Variants in GDA observed in about 807,000 individuals in gnomAD.
The protein encoded by GDA is guanine deaminase, also known as cytoplasmic PSD-95 interactor.
In GDA, 18 loss-of-function variants were observed where a neutral mutation model predicts 59.6. The observed-to-expected ratio is 0.30, with a 90% CI of 0.21 to 0.45. GDA has a LOEUF of 0.45. GDA is among the 20% of genes least tolerant of loss of function. The probability of loss-of-function intolerance (pLI) is 1.00; values close to 1 mark genes in which losing one functional copy is unlikely to be tolerated. For synonymous variants in GDA, 201 were observed against 201.1 expected, an observed-to-expected ratio of 1.00 and a Z score of 0.00; for missense variants, 427 against 552.3, an observed-to-expected ratio of 0.77 and a Z score of 2.27.
At chr9:72,133,349 GTC>G (rs1485910828) in intron 1 of GDA, among the ~76,000 whole-genome samples, 1 of 148,114 alleles carries the variant, frequency 6.8e-6, no homozygotes, top group African/African-American at 2.5e-5. Flanking sequence ...TTAGGAAGCA[GTC>G]TCTGAGCTTT....
Position 72,249,940 on chromosome 9 carries a change from GATTT to G in GDA, c.*1599_*1602del, listed in dbSNP as rs1210924007. 1.4e-5 allele frequency: 13 copies of G among 947,594 alleles called. No homozygotes were observed. Among genetic ancestry groups the G allele is most frequent in the Non-Finnish European group, 5.0e-6 (4 of 795,800 alleles). 58.7% of individuals were successfully genotyped at this position (947,594 alleles called of 1,614,324 possible). ...TTTTTCCCTAATAGAAATACTTTTA[GATTT>G]GATTATGTATACATGACACCTAAAG... On this transcript the variant is annotated 3_prime_UTR_variant, in exon 14 of 14. Transcript: ENST00000358399.
chr9:72,181,033 A>G (rs1831140211), intron 1 of GDA, among the ~76,000 whole-genome samples: 1 of 152,196 alleles, frequency 6.6e-6, no homozygotes, highest in Admixed American at 6.5e-5. Context: ...TGCATTTCAC[A>G]TGAAATAGAT....
intron 10 of GDA, among the ~76,000 whole-genome samples, chr9:72,236,774 C>CTTTTTTTTTTTTTTTTTT (rs1564168629): frequency 7.8e-6 from 1 of 127,594 alleles, no homozygotes; most frequent in Non-Finnish European, 1.6e-5. Context: ...AAAACCACTC[C>CTTTTTTTTTTTTTTTTTT]TATTTTTTTT....
At chr9:72,208,108 C>A (rs1035363370) in intron 3 of GDA, among the ~76,000 whole-genome samples, 11 of 138,170 alleles carry the variant, frequency 8.0e-5, no homozygotes, top group Non-Finnish European at 1.6e-4. Context: ...AAAAACAAAA[C>A]CCAAAATAAC....
chr9:72,217,065 G>T (rs1186184199), intron 5 of GDA, among the ~76,000 whole-genome samples: 1 of 152,096 alleles, frequency 6.6e-6, no homozygotes, highest in African/African-American at 2.4e-5. Context: ...GTTGTAAAAC[G>T]CAATAAATCT....
At chr9:72,186,445 GTC>G (rs964527438) in intron 1 of GDA, among the ~76,000 whole-genome samples, 2 of 152,068 alleles carry the variant, frequency 1.3e-5, no homozygotes, top group African/African-American at 4.8e-5. Context: ...TTTTATGCAA[GTC>G]TCTGCTTAAA....
intron 10 of GDA, among the ~76,000 whole-genome samples, chr9:72,236,776 ATTTTTTTTTTT>A (rs201065067): frequency 9.9e-6 from 1 of 101,466 alleles, no homozygotes; most frequent in Non-Finnish European, 2.0e-5. Flanking sequence ...AACCACTCCT[ATTTTTTTTTTT>A]TTTTTTTTTT....
At chr9:72,178,792 A>T (rs1030417857) in intron 1 of GDA, among the ~76,000 whole-genome samples, 3 of 152,126 alleles carry the variant, frequency 2.0e-5, no homozygotes, top group African/African-American at 7.2e-5. Context: ...ATCAAGTCTC[A>T]TATGTCTTTA....
chr9:72,211,279 G>A (rs1443905510), intron 4 of GDA, among the ~76,000 whole-genome samples: 1 of 152,214 alleles, frequency 6.6e-6, no homozygotes, highest in Non-Finnish European at 1.5e-5. Context: ...CTATGGTGCT[G>A]TTACTAGACG....
At chr9:72,215,709 C>A (rs80226419) in intron 5 of GDA, among the ~76,000 whole-genome samples, 35 of 152,272 alleles carry the variant, frequency 2.3e-4, no homozygotes, top group African/African-American at 7.9e-4. Context: ...TGGGAGGGAC[C>A]AAGGCCCACT....
chr9:72,173,820 G>A (rs1830256138), intron 1 of GDA, among the ~76,000 whole-genome samples: 1 of 151,786 alleles, frequency 6.6e-6, no homozygotes, highest in South Asian at 2.1e-4. Context: ...CATTCTGTGA[G>A]TGTGTGTGTG....
chr9:72,164,271 T>C (rs1829018287), intron 1 of GDA, among the ~76,000 whole-genome samples: 1 of 152,076 alleles, frequency 6.6e-6, no homozygotes, highest in Non-Finnish European at 1.5e-5. Context: ...AATCCAAATA[T>C]CAGAGGAAGA....
Position 72,219,476 on chromosome 9 carries a change from C to A in GDA, c.579-3C>A. 1 of 1,589,626 alleles carries A rather than the reference C, an allele frequency of 6.3e-7. No individual in the cohort carries two copies. The highest frequency in any genetic ancestry group is 8.6e-7 in the Non-Finnish European group (1 of 1,164,550). ...TTCTAACCCATTTGTTGCTTTATTT[C>A]AGATTTGTGTCAGAAATGCTCCAAA... is the stretch of plus-strand genomic sequence containing the variant. On this transcript the variant is annotated splice_region_variant and splice_polypyrimidine_tract_variant and intron_variant, in intron 5 of 13. Transcript: ENST00000358399.
chr9:72,152,197 G>A (rs989605351), intron 1 of GDA, among the ~76,000 whole-genome samples: 1 of 152,192 alleles, frequency 6.6e-6, no homozygotes, highest in Non-Finnish European at 1.5e-5. Flanking sequence ...TTTCTCCATT[G>A]CAAGTTTAGA....
rs185829342 is a variant in GDA at position 72,150,709 on chromosome 9, G to A, written c.123+1027G>A. Among the ~76,000 whole-genome samples, 678 of 152,260 alleles carry A rather than the reference G, an allele frequency of 4.5e-3. 6 individuals are homozygous for A. Among genetic ancestry groups the A allele is most frequent in the African/African-American group, 0.015 (640 of 41,552 alleles). On this transcript the variant is annotated intron_variant, in intron 1 of 13. Coordinates refer to ENST00000358399, the MANE Select transcript of GDA (RefSeq NM_004293.5). The stretch of plus-strand genomic sequence containing the variant: ...TTCTTGACTAAGATGCTACCGAGTC[G>A]GTGACAGTTTTGAATCGTGACTCTT...
At chr9:72,244,558 A>C (rs1206498266) in intron 11 of GDA, among the ~76,000 whole-genome samples, 2 of 152,164 alleles carry the variant, frequency 1.3e-5, no homozygotes, top group African/African-American at 4.8e-5. Context: ...GAGTTATGAG[A>C]ATCTGTTCAT....
intron 2 of GDA, among the ~76,000 whole-genome samples, 193 bp downstream of exon 2, chr9:72,195,781 G>A (rs1386719330): frequency 2.0e-5 from 3 of 152,206 alleles, no homozygotes; most frequent in Non-Finnish European, 4.4e-5. Context: ...AACTTAGAGA[G>A]CTAGAGGCTG....
chr9:72,213,946 C>T lies in GDA; in HGVS notation c.533C>T (p.Pro178Leu). 1 of 1,611,636 alleles carries T rather than the reference C, an allele frequency of 6.2e-7. No homozygotes were observed. The highest frequency in any genetic ancestry group is 8.5e-7 in the Non-Finnish European group (1 of 1,177,790). Residue 178 changes from proline to leucine, a missense_variant, in exon 5 of 14, where the codon CCA (proline) becomes CTA (leucine). By Grantham distance (98) the Pro-to-Leu change is moderately conservative. Coordinates refer to ENST00000358399, the MANE Select transcript of GDA (RefSeq NM_004293.5). ...KVCMDLNDTF[P>L]EYKETTEESI... is the part of the protein sequence containing the mutation. Reference sequence around the variant, plus strand: ...TGCATGGATTTGAATGACACTTTTCCAGAATACAAGGAGACCACTGAGGAA... The same window carrying T: ...TGCATGGATTTGAATGACACTTTTCTAGAATACAAGGAGACCACTGAGGAA...
rs1283482191 is a variant in GDA, at chr9:72,249,989, TA to T, written c.*1648del. The T allele has an allele frequency of 4.2e-6, 4 of 959,164 alleles. No homozygotes were observed. Among genetic ancestry groups the T allele is most frequent in the African/African-American group, 3.5e-5 (2 of 56,726 alleles). 59.4% of individuals were successfully genotyped at this position (959,164 alleles called of 1,614,324 possible). A position where few individuals can be genotyped will look rare whatever the true frequency, so the allele number is the denominator to read the frequency against. On this transcript the variant is annotated 3_prime_UTR_variant, in exon 14 of 14. Coordinates refer to ENST00000358399, the MANE Select transcript of GDA (RefSeq NM_004293.5). ...CTAAAGAGGGAACAAAAGTTAGTTT[TA>T]TTTTTTTAATAAACAACAGAGTTTG... is the stretch of plus-strand genomic sequence containing the variant.
Sources: allele counts gnomAD v4.1 joint callset (sites outside exome capture counted in the v4.1 genomes callset), GRCh38; gene constraint gnomAD v4.1.1; transcripts MANE v1.5; gene names NCBI Gene and HGNC (gene_info 2026-07-23, HGNC 2026-07-21).